The following MUSTN1 variants were observed in gnomAD, a reference collection of about 807,000 sequenced individuals.
The protein encoded by MUSTN1 is musculoskeletal embryonic nuclear protein 1.
MUSTN1 carries 14 observed loss-of-function variants against 11.8 expected under a neutral mutation model. That is an observed-to-expected ratio of 1.18 (90% CI 0.78 to 1.85). The LOEUF (loss-of-function observed/expected upper bound fraction) is 1.85. MUSTN1 is among the 40% of genes most tolerant of loss of function. MUSTN1 has a pLI of 0.00. For missense variants in MUSTN1, 111 were observed against 108.8 expected, an observed-to-expected ratio of 1.02 and a Z score of -0.09; for synonymous variants, 42 against 43.3, an observed-to-expected ratio of 0.97 and a Z score of 0.12.
chr3:52,833,379 G>A lies in MUSTN1; in HGVS notation c.194C>T (p.Thr65Ile), dbSNP rs770831650. The change falls in exon 3 of 3, where the codon ACC becomes ATC. Residue 65 changes from threonine (T) to isoleucine (I), a missense_variant. Transcript: ENST00000446157. The stretch of plus-strand genomic sequence containing the variant: ...TTTGGGCTTCTCAAAGACAGTCTCG[G>A]TACCTGTGCGGGTGCGGCTGAACAC... ...PSVFSRTRTG[T>I]ETVFEKPKAG... is the part of the protein sequence containing the mutation. 3.1e-6 allele frequency: 5 copies of A among 1,613,858 alleles called. No homozygotes were observed. In the African/African-American group the frequency reaches 6.7e-5, roughly 22 times the overall value.
chr3:52,834,918 A>G, intron 1 of MUSTN1, 22 bp downstream of exon 1: 1 of 1,613,134 alleles, frequency 6.2e-7, no homozygotes, highest in Non-Finnish European at 8.5e-7. Context: ...GCATCAACAC[A>G]GCCCTTGCTG....
In MUSTN1 at chr3:52,833,679, CG is replaced by C. The variant is rs1559485240; in HGVS notation, c.79del (p.Arg27GlufsTer4). 1.9e-6 allele frequency: 3 copies of C among 1,603,616 alleles called. No individual in the cohort carries two copies. Among genetic ancestry groups the C allele is most frequent in the African/African-American group, 2.7e-5 (2 of 74,772 alleles). On this transcript the variant is annotated frameshift_variant, in exon 2 of 3. Coordinates refer to ENST00000446157, the MANE Select transcript of MUSTN1 (RefSeq NM_205853.4). LOFTEE classifies it high-confidence loss of function. ...PVKDEDLKGA[R>X]GNLTKNQEIK... ...TTCCTGGTTCTTGGTCAGGTTTCCTCGGGCCCCCTTCAGGTCCTCGTCCTTC... is the reference window on the plus strand; with the variant it reads ...TTCCTGGTTCTTGGTCAGGTTTCCTCGGCCCCCTTCAGGTCCTCGTCCTTC...
At chr3:52,833,782 G>A (rs759540515) in intron 1 of MUSTN1, 33 bp from the exon 2 acceptor site, 5 of 1,561,126 alleles carry the variant, frequency 3.2e-6, no homozygotes, top group South Asian at 1.2e-5. Context: ...CTTACTACCT[G>A]AAGCCTCGGT....
In MUSTN1 at chr3:52,833,744, A is replaced by T; in HGVS notation, c.15T>A (p.Gly5=). ...TCTTCTTGATAGGGGCTTCCTGAGC[A>T]CCAGCCTTGGAGATCCAAGAGCCTC... The part of the protein sequence containing the change: MSQA[G]AQEAPIKKKR... The change falls in exon 2 of 3, where the codon GGT becomes GGA. Residue 5 remains glycine, a synonymous_variant. Transcript: ENST00000446157. 1 of 1,579,522 alleles carries T rather than the reference A, an allele frequency of 6.3e-7. No homozygotes were observed. Among genetic ancestry groups the T allele is most frequent in the Non-Finnish European group, 8.6e-7 (1 of 1,162,384 alleles).
At chr3:52,834,590 C>T (rs1263822117) in intron 1 of MUSTN1, among the ~76,000 whole-genome samples, 1 of 150,810 alleles carries the variant, frequency 6.6e-6, no homozygotes, top group East Asian at 2.0e-4. Context: ...GGCTGCCGGG[C>T]CCATAGCTAC....
chr3:52,834,618 C>T, intron 1 of MUSTN1: 2 of 572,016 alleles, frequency 3.5e-6, no homozygotes, highest in Non-Finnish European at 6.2e-6. Flanking sequence ...CAAAGCTCTA[C>T]ACACTGAGCT....
intron 1 of MUSTN1, 41 bp from the exon 2 acceptor site, chr3:52,833,790 G>A (rs752507504): frequency 3.2e-6 from 5 of 1,555,526 alleles, no homozygotes; most frequent in East Asian, 2.4e-5. Flanking sequence ...CTGAAGCCTC[G>A]GTAGAAAGGC....
At position 52,833,183 on chromosome 3, in the gene MUSTN1, G is replaced by T; in HGVS notation, c.*141C>A. On this transcript the variant is annotated 3_prime_UTR_variant, in exon 3 of 3. Coordinates refer to ENST00000446157, the MANE Select transcript of MUSTN1 (RefSeq NM_205853.4). ...TCCAAGGTGCTGGTGCAGAGCCCTTGGCTGAAGGGCCTGGACTGTGGGGGA... is the reference window on the plus strand; with the variant it reads ...TCCAAGGTGCTGGTGCAGAGCCCTTTGCTGAAGGGCCTGGACTGTGGGGGA... 7.9e-7 allele frequency: 1 copy of T among 1,265,002 alleles called. No homozygotes were observed. Among genetic ancestry groups the T allele is most frequent in the Non-Finnish European group, 1.1e-6 (1 of 892,850 alleles). The allele number at this position is 1,265,002 out of a possible 1,614,324, so 78.4% of individuals were successfully genotyped here. A position where few individuals can be genotyped will look rare whatever the true frequency, so the allele number is the denominator to read the frequency against.
At chr3:52,833,994 G>A (rs1700646575) in intron 1 of MUSTN1, among the ~76,000 whole-genome samples, 1 of 152,200 alleles carries the variant, frequency 6.6e-6, no homozygotes, top group Non-Finnish European at 1.5e-5. Context: ...AGCAGTGGCT[G>A]CTGCAGCCTC....
At chr3:52,834,043 G>A (rs1244536052) in intron 1 of MUSTN1, among the ~76,000 whole-genome samples, 1 of 152,180 alleles carries the variant, frequency 6.6e-6, no homozygotes, top group East Asian at 1.9e-4. Flanking sequence ...GCTCAGGACT[G>A]GGCACAGTGG....
intron 1 of MUSTN1, chr3:52,834,686 A>ACACACACACACACACACACAC: frequency 1.7e-6 from 1 of 601,090 alleles, no homozygotes; most frequent in Admixed American, 2.8e-5. Flanking sequence ...AGGCACATGC[A>ACACACACACACACACACACAC]AAGATCTATC....
intron 1 of MUSTN1, 49 bp downstream of exon 1, chr3:52,834,891 C>T (rs746644382): frequency 9.3e-6 from 15 of 1,608,734 alleles, no homozygotes; most frequent in East Asian, 2.2e-5. Flanking sequence ...TCCAGGACTC[C>T]ACCTCCACTC....
intron 1 of MUSTN1, 161 bp downstream of exon 1, chr3:52,834,779 T>G: frequency 4.8e-6 from 4 of 833,378 alleles, no homozygotes; most frequent in Non-Finnish European, 8.0e-6. Flanking sequence ...GAAGAGGGGT[T>G]CTTCAGGGGG....
chr3:52,833,378 G>A lies in MUSTN1; in HGVS notation c.195C>T (p.Thr65=), dbSNP rs746914786. The change falls in exon 3 of 3, where the codon ACC becomes ACT. Residue 65 remains threonine (T), a synonymous_variant. Transcript: ENST00000446157. ...PSVFSRTRTG[T]ETVFEKPKAG... ...CTTTGGGCTTCTCAAAGACAGTCTC[G>A]GTACCTGTGCGGGTGCGGCTGAACA... 6.2e-7 allele frequency: 1 copy of A among 1,613,876 alleles called. No individual in the cohort carries two copies. Among genetic ancestry groups the A allele is most frequent in the Non-Finnish European group, 8.5e-7 (1 of 1,179,822 alleles).
intron 1 of MUSTN1, among the ~76,000 whole-genome samples, chr3:52,834,310 C>T (rs943659449): frequency 6.6e-6 from 1 of 152,172 alleles, no homozygotes; most frequent in African/African-American, 2.4e-5. Context: ...TGGTCTGTCC[C>T]TCCAGGGTGG....
rs559817560 is a variant in MUSTN1, at chr3:52,833,226, A to G, written c.*98T>C. 8.1e-4 allele frequency: 1,223 copies of G among 1,514,298 alleles called. No homozygotes were observed. The highest frequency in any genetic ancestry group is 1.1e-3 in the Non-Finnish European group (1,172 of 1,111,964). The allele number at this position is 1,514,298 out of a possible 1,614,324, so 93.8% of individuals were successfully genotyped here. A position where few individuals can be genotyped will look rare whatever the true frequency, so the allele number is the denominator to read the frequency against. On this transcript the variant is annotated 3_prime_UTR_variant, in exon 3 of 3. Transcript: ENST00000446157. The stretch of plus-strand genomic sequence containing the variant: ...GTGGGGGAGGGTGGCAGCCCCAGAG[A>G]CAGCAGGGGAGAGGAAGCGTTCTGG...
At position 52,833,415 on chromosome 3, in the gene MUSTN1, G is replaced by A. The variant is rs1304496087; in HGVS notation, c.158C>T (p.Ala53Val). The A allele has an allele frequency of 4.3e-6, 7 of 1,612,864 alleles. No individual in the cohort carries two copies. In the Admixed American group the frequency reaches 5.0e-5, roughly 12 times the overall value. Residue 53 changes from alanine (A) to valine (V), a missense_variant, in exon 3 of 3, where the codon GCC becomes GTC. Coordinates refer to ENST00000446157, the MANE Select transcript of MUSTN1 (RefSeq NM_205853.4). ...GGTGCGGCTGAACACCGACGGGGCG[G>A]CCGAGCCAGCTTGCTCTGTGGGAGG... ...VMRECEQAGS[A>V]APSVFSRTRT...
intron 2 of MUSTN1, 45 bp from the exon 3 acceptor site, chr3:52,833,475 G>C (rs768731255): frequency 6.3e-7 from 1 of 1,598,352 alleles, no homozygotes; most frequent in Non-Finnish European, 8.5e-7. Flanking sequence ...CTTCCTGGGA[G>C]GGAAGATCCC....
At chr3:52,834,525 T>A (rs1490181066) in intron 1 of MUSTN1, among the ~76,000 whole-genome samples, 1 of 151,992 alleles carries the variant, frequency 6.6e-6, no homozygotes, top group Non-Finnish European at 1.5e-5. Context: ...GCTTCATGCA[T>A]ATACCATACA....
Sources: allele counts gnomAD v4.1 joint callset (sites outside exome capture counted in the v4.1 genomes callset), GRCh38; gene constraint gnomAD v4.1.1; transcripts MANE v1.5; gene names NCBI Gene and HGNC (gene_info 2026-07-23, HGNC 2026-07-21).